The following KIF26B variants were observed in gnomAD, a reference collection of about 807,000 sequenced individuals.
KIF26B encodes kinesin family member 26B, also known as kinesin-like protein KIF26B.
In KIF26B, 63 loss-of-function variants were observed where a neutral mutation model predicts 151.2. That is an observed-to-expected ratio of 0.42 (90% confidence interval 0.34 to 0.51). KIF26B has a LOEUF of 0.51. KIF26B is among the 20% of genes least tolerant of loss of function. The pLI, the probability that KIF26B is intolerant of heterozygous loss-of-function variation, is 0.07. For synonymous variants in KIF26B, 1,357 were observed against 1,262.1 expected (o/e 1.08, Z -1.59); for missense variants, 2,813 against 2,913.6 (o/e 0.97, Z 0.79).
At chr1:245,580,718 A>T (rs1417240397) in intron 5 of KIF26B, among the ~76,000 whole-genome samples, 2 of 152,170 alleles carry the variant, frequency 1.3e-5, no homozygotes, top group Non-Finnish European at 2.9e-5. Context: ...GGATTAGAAC[A>T]GTCTTTCGCT....
intron 2 of KIF26B, among the ~76,000 whole-genome samples, chr1:245,238,162 A>T (rs574305147): frequency 2.9e-4 from 44 of 152,252 alleles, no homozygotes; most frequent in African/African-American, 1.0e-3. Flanking sequence ...GTGAGACCCC[A>T]TCTCTACTAA....
intron 7 of KIF26B, among the ~76,000 whole-genome samples, chr1:245,608,224 T>C (rs773191320): frequency 6.6e-6 from 1 of 152,200 alleles, no homozygotes; most frequent in African/African-American, 2.4e-5. Flanking sequence ...CGCTGAAGCG[T>C]CTGGGAAAGG....
chr1:245,361,999 C>T (rs921026170), intron 2 of KIF26B, among the ~76,000 whole-genome samples: 7 of 151,314 alleles, frequency 4.6e-5, no homozygotes, highest in Admixed American at 3.3e-4. Flanking sequence ...CTGCGGTGGT[C>T]GTATACCTTG....
At chr1:245,370,673 G>A in intron 3 of KIF26B, 1 of 454,876 alleles carries the variant, frequency 2.2e-6, no homozygotes. Context: ...TGAAACTGGT[G>A]CTTTCCTGTA....
intron 2 of KIF26B, among the ~76,000 whole-genome samples, chr1:245,254,596 A>C (rs1249520074): frequency 6.6e-6 from 1 of 152,234 alleles, no homozygotes; most frequent in Non-Finnish European, 1.5e-5. Context: ...CCAAAAGTGC[A>C]TATAAGAATG....
intron 10 of KIF26B, among the ~76,000 whole-genome samples, chr1:245,679,957 C>G (rs1471804670): frequency 1.3e-5 from 2 of 152,168 alleles, no homozygotes; most frequent in African/African-American, 4.8e-5. Flanking sequence ...CCAAACCCCT[C>G]CAGGCACCAC....
At chr1:245,364,422 CTTTTTTTTTTTT>C (rs763619030) in intron 2 of KIF26B, among the ~76,000 whole-genome samples, 5 of 98,920 alleles carry the variant, frequency 5.1e-5, no homozygotes, top group African/African-American at 1.3e-4. Context: ...CTCTCTCTCT[CTTTTTTTTTTTT>C]TTTTTTTTTT....
chr1:245,612,462 A>T (rs1244719405), intron 9 of KIF26B, among the ~76,000 whole-genome samples: 4 of 152,190 alleles, frequency 2.6e-5, no homozygotes, highest in African/African-American at 9.6e-5. Flanking sequence ...GTAATTCAAG[A>T]TAATTATAGT....
intron 2 of KIF26B, among the ~76,000 whole-genome samples, chr1:245,199,822 TCCATCCATCCATCCATCCATCCAC>T (rs1426089404): frequency 5.9e-5 from 1 of 16,840 alleles, no homozygotes; most frequent in Non-Finnish European, 2.8e-4. Context: ...TGTCCATCCA[TCCATCCATCCATCCATCCATCCAC>T]CCATCCACTT....
intron 2 of KIF26B, among the ~76,000 whole-genome samples, chr1:245,339,071 G>A (rs1411667312): frequency 6.6e-6 from 1 of 151,280 alleles, no homozygotes; most frequent in Non-Finnish European, 1.5e-5. Flanking sequence ...TCCGTGTCCT[G>A]GGTTCAAGTG....
At chr1:245,651,751 T>C (rs6669133) in intron 10 of KIF26B, among the ~76,000 whole-genome samples, 99,924 of 151,962 alleles carry the variant, frequency 0.66, 33,510 homozygotes, top group African/African-American at 0.77. Flanking sequence ...GTGAACTGTG[T>C]GTGCGAGGGA....
At chr1:245,254,102 A>ACG (rs1670493947) in intron 2 of KIF26B, among the ~76,000 whole-genome samples, 1 of 152,052 alleles carries the variant, frequency 6.6e-6, no homozygotes, top group African/African-American at 2.4e-5. Context: ...GAGCCACTGC[A>ACG]CCCAGCTGAA....
At chr1:245,380,133 T>A (rs1198129076) in intron 3 of KIF26B, among the ~76,000 whole-genome samples, 1 of 152,220 alleles carries the variant, frequency 6.6e-6, no homozygotes, top group Non-Finnish European at 1.5e-5. Flanking sequence ...ATATATTTCA[T>A]ATGCTTAAGT....
chr1:245,238,177 A>G (rs1670149105), intron 2 of KIF26B, among the ~76,000 whole-genome samples: 1 of 152,160 alleles, frequency 6.6e-6, no homozygotes, highest in African/African-American at 2.4e-5. Context: ...TACTAAAAAA[A>G]ATACAAAAAT....
chr1:245,489,656 A>T (rs967575948), intron 4 of KIF26B, among the ~76,000 whole-genome samples: 11 of 152,228 alleles, frequency 7.2e-5, no homozygotes, highest in Non-Finnish European at 1.5e-4. Context: ...TCGTCGGGCT[A>T]TGTATATGTA....
intron 4 of KIF26B, among the ~76,000 whole-genome samples, chr1:245,515,279 C>T (rs1247806168): frequency 6.6e-6 from 1 of 152,128 alleles, no homozygotes; most frequent in Admixed American, 6.5e-5. Flanking sequence ...CCCCTGAGCC[C>T]GAGGGTCAGG....
chr1:245,688,355 G>T lies in KIF26B; in HGVS notation c.5372G>T (p.Arg1791Met), dbSNP rs2044567230. The T allele has an allele frequency of 6.4e-7, 1 of 1,570,738 alleles. No homozygotes were observed. Among genetic ancestry groups the T allele is most frequent in the Non-Finnish European group, 8.6e-7 (1 of 1,166,894 alleles). ...TCCACGCAGTCCCTCAGCAGGAACA[G>T]GAGCTCGGGCCTGGCCTCCAAGCTT... ...PWSTQSLSRN[R>M]SSGLASKLPL... is the part of the protein sequence containing the mutation. The change falls in exon 12 of 15, where the codon AGG becomes ATG. Residue 1791 changes from arginine (R) to methionine (M), a missense_variant. Coordinates refer to ENST00000407071, the MANE Select transcript of KIF26B (RefSeq NM_018012.4).
At position 245,540,759 on chromosome 1, in the gene KIF26B, C is replaced by T. The variant is rs1195987051; in HGVS notation, c.1167-8C>T. ...ATTTTCCCCTTATTGTTCCTTTTTCCACTCCAGAGCTGCCCAGAAGTTAAA... is the reference window on the plus strand; with the variant it reads ...ATTTTCCCCTTATTGTTCCTTTTTCTACTCCAGAGCTGCCCAGAAGTTAAA... On this transcript the variant is annotated splice_region_variant and splice_polypyrimidine_tract_variant and intron_variant, in intron 4 of 14. Transcript: ENST00000407071. This position sits in a 1 kb window ranked among gnomAD's most constrained non-coding sequence, Gnocchi z 4.6. 27 of 1,612,640 alleles carry T rather than the reference C, an allele frequency of 1.7e-5. No individual in the cohort carries two copies. Among genetic ancestry groups the T allele is most frequent in the Non-Finnish European group, 2.2e-5 (26 of 1,178,840 alleles).
chr1:245,546,984 T>G (rs6671334), intron 5 of KIF26B, among the ~76,000 whole-genome samples: 4,423 of 152,378 alleles, frequency 0.029, 237 homozygotes, highest in African/African-American at 0.1. Context: ...GAAAATGTTC[T>G]GACTCTTAAT....
Sources: allele counts gnomAD v4.1 joint callset (sites outside exome capture counted in the v4.1 genomes callset), GRCh38; gene constraint gnomAD v4.1.1; non-coding constraint Gnocchi (gnomAD v3.1); transcripts MANE v1.5; gene names NCBI Gene and HGNC (gene_info 2026-07-23, HGNC 2026-07-21).